The following BUD23 variants were observed in gnomAD, a reference collection of about 807,000 sequenced individuals.
BUD23 encodes the protein 18S rRNA (guanine-N(7))-methyltransferase.
A neutral mutation model predicts 47.0 loss-of-function variants in BUD23; 34 were observed. The observed-to-expected ratio is 0.72, with a 90% CI of 0.55 to 0.96. The LOEUF (loss-of-function observed/expected upper bound fraction) is 0.96, where lower values mean the gene tolerates loss of function less well. Among genes scored for constraint, BUD23 ranks in the 40% least tolerant of loss-of-function variants. The pLI, the probability that BUD23 is intolerant of heterozygous loss-of-function variation, is 0.00. For synonymous variants in BUD23, 124 were observed against 132.0 expected, an observed-to-expected ratio of 0.94 and a Z score of 0.41; for missense variants, 343 against 361.2, an observed-to-expected ratio of 0.95 and a Z score of 0.41.
At chr7:73,685,969 G>A (rs1241101004) in intron 2 of BUD23, among the ~76,000 whole-genome samples, 9 of 151,780 alleles carry the variant, frequency 5.9e-5, no homozygotes, top group African/African-American at 1.9e-4. Context: ...GGCGGCGGGC[G>A]CCTGTAGTCC....
intron 5 of BUD23, among the ~76,000 whole-genome samples, chr7:73,688,161 G>T (rs1011715556): frequency 3.9e-5 from 6 of 152,086 alleles, no homozygotes; most frequent in Non-Finnish European, 8.8e-5. Context: ...CTCCCAAAGT[G>T]CTAGGATTAC....
At chr7:73,691,125 C>G in intron 6 of BUD23, 113 bp downstream of exon 6, 1 of 889,966 alleles carries the variant, frequency 1.1e-6, no homozygotes, top group South Asian at 1.5e-5. Context: ...CATATGGGAC[C>G]GCATGGGGTG....
At chr7:73,689,052 G>C (rs190242371) in intron 5 of BUD23, among the ~76,000 whole-genome samples, 10 of 152,276 alleles carry the variant, frequency 6.6e-5, no homozygotes, top group Middle Eastern at 6.8e-3. Context: ...AGATGGTATA[G>C]CAAACTGTTT....
chr7:73,691,742 G>C (rs2116692941), intron 6 of BUD23, among the ~76,000 whole-genome samples: 1 of 152,122 alleles, frequency 6.6e-6, no homozygotes, highest in East Asian at 1.9e-4. Context: ...TTGGACTACA[G>C]GCACACACCA....
In BUD23 at chr7:73,687,518, A is replaced by G. The variant is rs1263087861; in HGVS notation, c.362+423A>G. Among the ~76,000 whole-genome samples the G allele has an allele frequency of 2.0e-5, 3 of 151,860 alleles. No individual in the cohort carries two copies. In the East Asian group the frequency reaches 5.8e-4, roughly 30 times the overall value. ...TTTCAATCTCTTGACCTTGTGATCC[A>G]CCCTCCTCGGCCTCCCAAAGTGCTG... On this transcript the variant is annotated intron_variant, in intron 5 of 11. Coordinates refer to ENST00000265758, the MANE Select transcript of BUD23 (RefSeq NM_017528.5).
Position 73,693,129 on chromosome 7 carries a change from T to C in BUD23, c.511-200T>C, listed in dbSNP as rs192502101. 411 of 604,658 alleles carry C rather than the reference T, an allele frequency of 6.8e-4. 1 individual carries two copies. In the African/African-American group the frequency reaches 7.1e-3, roughly 10 times the overall value. The allele number at this position is 604,658 out of a possible 1,614,324, so 37.5% of individuals were successfully genotyped here. A position where few individuals can be genotyped will look rare whatever the true frequency, so the allele number is the denominator to read the frequency against. ...AAAGTGAGAATGAGGGGAGTTGCTT[T>C]GTTCTGTAATTCTCCTGAGGGAGGT... On this transcript the variant is annotated intron_variant, in intron 7 of 11. Transcript: ENST00000265758.
intron 5 of BUD23, 150 bp from the exon 6 acceptor site, chr7:73,690,765 AC>A: frequency 1.6e-6 from 1 of 633,806 alleles, no homozygotes; most frequent in Non-Finnish European, 2.8e-6. Flanking sequence ...GAACCACTGT[AC>A]GTGGCCTCAA....
intron 10 of BUD23, 53 bp downstream of exon 10, chr7:73,694,103 T>A: frequency 6.4e-7 from 1 of 1,572,198 alleles, no homozygotes; most frequent in Non-Finnish European, 8.6e-7. Flanking sequence ...GCCACATTTG[T>A]TAGACATGGA....
chr7:73,693,328 G>A lies in BUD23; in HGVS notation c.511-1G>A, dbSNP rs1554614334. 2 of 1,613,858 alleles carry A rather than the reference G, an allele frequency of 1.2e-6. No homozygotes were observed. The highest frequency in any genetic ancestry group is 1.7e-6 in the Non-Finnish European group (2 of 1,179,900). On this transcript the variant is annotated splice_acceptor_variant, in intron 7 of 11. Coordinates refer to ENST00000265758, the MANE Select transcript of BUD23 (RefSeq NM_017528.5). LOFTEE classifies it high-confidence loss of function. The stretch of plus-strand genomic sequence containing the variant: ...CTGACCCGCTGCCTTTCTTTCCTCA[G>A]TTGGAGCTGATCACAACCCAGGCCA...
At chr7:73,683,941 T>C (rs576109862) in intron 2 of BUD23, 137 bp downstream of exon 2, 1 of 1,569,704 alleles carries the variant, frequency 6.4e-7, no homozygotes, top group Non-Finnish European at 8.6e-7. Context: ...CCGATTTCTG[T>C]CTCTGGTAAA....
intron 5 of BUD23, among the ~76,000 whole-genome samples, chr7:73,689,472 G>A (rs1798105276): frequency 1.3e-5 from 2 of 152,110 alleles, no homozygotes; most frequent in Non-Finnish European, 2.9e-5. Context: ...TTTAGGACAT[G>A]GACCAGGCAA....
At chr7:73,695,715 T>A (rs1000360227) in intron 10 of BUD23, 2 of 152,372 alleles carry the variant, frequency 1.3e-5, no homozygotes, top group Admixed American at 1.3e-4. Flanking sequence ...CCTGGATTGC[T>A]GAACAGCTGC....
intron 2 of BUD23, among the ~76,000 whole-genome samples, chr7:73,684,970 G>A (rs1797903745): frequency 1.5e-5 from 2 of 132,930 alleles, no homozygotes; most frequent in Non-Finnish European, 3.1e-5. Flanking sequence ...GATACTTTGT[G>A]GTTTTTCCGT....
At position 73,694,117 on chromosome 7, in the gene BUD23, T is replaced by C. The variant is rs940869834; in HGVS notation, c.701+67T>C. The C allele has an allele frequency of 1.2e-5, 19 of 1,532,924 alleles. No individual in the cohort carries two copies. In the East Asian group the frequency reaches 4.3e-4, roughly 35 times the overall value. The allele number at this position is 1,532,924 out of a possible 1,614,324, so 95.0% of individuals were successfully genotyped here. ...TGCCACATTTGTTAGACATGGACTT[T>C]CTCTCTGCCCTCACCCAAGCCTCTC... On this transcript the variant is annotated intron_variant, in intron 10 of 11. Transcript: ENST00000265758.
Position 73,693,249 on chromosome 7 carries a change from C to T in BUD23, c.511-80C>T, listed in dbSNP as rs1304640310. 3.1e-6 allele frequency: 4 copies of T among 1,300,340 alleles called. No individual in the cohort carries two copies. The African/African-American group carries it at 4.4e-5, about 14-fold the overall frequency. 80.6% of individuals were successfully genotyped at this position (1,300,340 alleles called of 1,614,324 possible). A position where few individuals can be genotyped will look rare whatever the true frequency, so the allele number is the denominator to read the frequency against. On this transcript the variant is annotated intron_variant, in intron 7 of 11. Transcript: ENST00000265758. ...CAGGATTTGTCCTGGAGCAGACTGG[C>T]TTCTGAAGGAGGGGAGGGAGGTGAA...
chr7:73,684,090 C>T, intron 2 of BUD23: 1 of 1,035,736 alleles, frequency 9.7e-7, no homozygotes, highest in Non-Finnish European at 1.3e-6. Flanking sequence ...AGGCGCTGGG[C>T]GGTGGGTACG....
chr7:73,693,065 C>G, intron 7 of BUD23: 1 of 563,614 alleles, frequency 1.8e-6, no homozygotes, highest in South Asian at 2.2e-5. Flanking sequence ...TGGTGGCCAT[C>G]TCCCTAAACT....
chr7:73,685,570 T>C (rs1321824521), intron 2 of BUD23, among the ~76,000 whole-genome samples: 1 of 152,114 alleles, frequency 6.6e-6, no homozygotes, highest in Non-Finnish European at 1.5e-5. Context: ...CGCGCCCGAC[T>C]AGTTTGTGTA....
At chr7:73,697,368 G>A (rs1017696918) in intron 10 of BUD23, 36 of 1,454,164 alleles carry the variant, frequency 2.5e-5, no homozygotes, top group Middle Eastern at 2.1e-4. Flanking sequence ...CTCCATGCCC[G>A]GCCCAGCTCT....
Sources: gnomAD v4.1 joint callset for allele counts (sites outside exome capture counted in the v4.1 genomes callset) on GRCh38, gnomAD v4.1.1 for gene constraint, MANE v1.5 for transcripts, NCBI Gene and HGNC (gene_info 2026-07-23, HGNC 2026-07-21) for gene names.